TMEM132D: variants seen among roughly 807,000 people sequenced by gnomAD.
TMEM132D encodes the protein mature OL transmembrane protein.
In TMEM132D, 21 loss-of-function variants were observed where a neutral mutation model predicts 62.3. That is an observed-to-expected ratio of 0.34 (90% CI 0.24 to 0.49). The LOEUF is 0.49. Ranked by LOEUF, TMEM132D falls within the 20% of genes least tolerant of loss-of-function variation. The pLI, the probability that TMEM132D is intolerant of heterozygous loss-of-function variation, is 0.99. For synonymous variants in TMEM132D, 621 were observed against 575.6 expected, an observed-to-expected ratio of 1.08 and a Z score of -1.13; for missense variants, 1,346 against 1,402.8, an observed-to-expected ratio of 0.96 and a Z score of 0.65.
rs1745201555 is a variant in TMEM132D at position 129,471,457 on chromosome 12, T to A, written c.1115+59602A>T. Among the ~76,000 whole-genome samples, 3 of 152,280 alleles carry A rather than the reference T, an allele frequency of 2.0e-5. No homozygotes were observed. The South Asian group carries it at 6.2e-4, about 32-fold the overall frequency. On this transcript the variant is annotated intron_variant, in intron 3 of 8. Transcript: ENST00000422113. The stretch of plus-strand genomic sequence containing the variant: ...TGAAGAACTTAATCAATAAATGTCA[T>A]CTGTGTTCTGCCTGCTCCACCAACC...
intron 2 of TMEM132D, among the ~76,000 whole-genome samples, chr12:129,689,921 G>C (rs1486808109): frequency 6.6e-6 from 1 of 152,230 alleles, no homozygotes; most frequent in East Asian, 1.9e-4. Flanking sequence ...AACTGAGGTT[G>C]TAGGACAAAG....
Position 129,109,354 on chromosome 12 carries a change from A to C in TMEM132D, c.1444-24652T>G, listed in dbSNP as rs144218659. ...TCTGTGCCTTGGTTGTCTCCTCTGC[A>C]AAATGGGGATGGTGATCATGGTACC... On this transcript the variant is annotated intron_variant, in intron 5 of 8. Transcript: ENST00000422113. Among the ~76,000 whole-genome samples, 427 of 152,300 alleles carry C rather than the reference A, an allele frequency of 2.8e-3. 3 individuals are homozygous for C. Among genetic ancestry groups the C allele is most frequent in the African/African-American group, 9.8e-3 (409 of 41,564 alleles).
intron 1 of TMEM132D, among the ~76,000 whole-genome samples, chr12:129,737,065 C>G (rs180723243): frequency 6.6e-6 from 1 of 152,178 alleles, no homozygotes; most frequent in Admixed American, 6.5e-5. Flanking sequence ...ATCCGCCTGC[C>G]TCAGCATCCC....
chr12:129,613,212 G>C (rs1049849579), intron 2 of TMEM132D, among the ~76,000 whole-genome samples: 2 of 151,992 alleles, frequency 1.3e-5, no homozygotes, highest in African/African-American at 4.8e-5. Flanking sequence ...CACTGCCTTG[G>C]TTTAGGTTTT....
chr12:129,107,259 C>T (rs1208449678), intron 5 of TMEM132D, among the ~76,000 whole-genome samples: 1 of 152,144 alleles, frequency 6.6e-6, no homozygotes, highest in African/African-American at 2.4e-5. Context: ...ATCTCCAATG[C>T]TAAATGAATG....
At chr12:129,736,665 T>C (rs1869435528) in intron 1 of TMEM132D, among the ~76,000 whole-genome samples, 1 of 152,200 alleles carries the variant, frequency 6.6e-6, no homozygotes, top group Admixed American at 6.5e-5. Context: ...AGAAAAATGT[T>C]CTAGGAGAGA....
At chr12:129,900,484 C>T (rs1301151333) in intron 1 of TMEM132D, among the ~76,000 whole-genome samples, 1 of 152,200 alleles carries the variant, frequency 6.6e-6, no homozygotes, top group Non-Finnish European at 1.5e-5. Context: ...TGCCGCAGCC[C>T]CGCTCGCAAT....
At chr12:129,257,544 C>T (rs7132634) in intron 4 of TMEM132D, among the ~76,000 whole-genome samples, 10,739 of 152,176 alleles carry the variant, frequency 0.071, 562 homozygotes, top group Admixed American at 0.17. Flanking sequence ...GCCTTTCTTT[C>T]GCTCAGGGCA....
intron 1 of TMEM132D, among the ~76,000 whole-genome samples, chr12:129,861,040 A>G (rs1004122922): frequency 2.0e-5 from 3 of 152,214 alleles, no homozygotes; most frequent in Non-Finnish European, 4.4e-5. Context: ...AAATGAAGCA[A>G]TTATTGGAAT....
At chr12:129,246,744 C>T (rs192081822) in intron 4 of TMEM132D, among the ~76,000 whole-genome samples, 101 of 145,176 alleles carry the variant, frequency 7.0e-4, no homozygotes, top group African/African-American at 2.3e-3. Context: ...CCAGCCTGAG[C>T]GACAGAGCAA....
chr12:129,587,072 A>G (rs907553640), intron 2 of TMEM132D, among the ~76,000 whole-genome samples: 1 of 152,236 alleles, frequency 6.6e-6, no homozygotes, highest in Non-Finnish European at 1.5e-5. Context: ...TGTGCATAGC[A>G]ATTTCAGCTA....
chr12:129,297,533 G>A (rs548439644), intron 4 of TMEM132D, among the ~76,000 whole-genome samples: 11 of 152,316 alleles, frequency 7.2e-5, no homozygotes, highest in South Asian at 6.2e-4. Flanking sequence ...CGCCTCTGCC[G>A]TTAGTAAGAA....
At chr12:129,183,818 T>C (rs796562995) in intron 5 of TMEM132D, among the ~76,000 whole-genome samples, 3 of 144,246 alleles carry the variant, frequency 2.1e-5, no homozygotes, top group African/African-American at 8.5e-5. Context: ...GGGGCACGGA[T>C]GATTCTTTGG....
intron 1 of TMEM132D, among the ~76,000 whole-genome samples, chr12:129,767,363 T>A (rs946924588): frequency 2.6e-5 from 4 of 152,038 alleles, no homozygotes; most frequent in African/African-American, 9.7e-5. Context: ...AGTTAAGAAC[T>A]AAGATGGGTA....
rs933198907 is a variant in TMEM132D at position 129,827,922 on chromosome 12, T to C, written c.79+75339A>G. On this transcript the variant is annotated intron_variant, in intron 1 of 8. Transcript: ENST00000422113. This position sits in a 1 kb window ranked among gnomAD's most constrained non-coding sequence, Gnocchi z 9.7. ...CTTCCTAAAGAAATGGGCCACATGT[T>C]TGTTTATATTAATGTTAATAACTTG... Among the ~76,000 whole-genome samples the C allele has an allele frequency of 6.6e-6, 1 of 152,234 alleles. No homozygotes were observed. The highest frequency in any genetic ancestry group is 1.5e-5 in the Non-Finnish European group (1 of 68,048).
At chr12:129,399,478 A>G (rs1219200464) in intron 3 of TMEM132D, among the ~76,000 whole-genome samples, 1 of 37,032 alleles carries the variant, frequency 2.7e-5, no homozygotes, top group African/African-American at 1.5e-4. Flanking sequence ...AACTGCATTA[A>G]TCCACTTGTG....
intron 4 of TMEM132D, among the ~76,000 whole-genome samples, chr12:129,258,983 G>C (rs957340646): frequency 1.3e-5 from 2 of 152,184 alleles, no homozygotes; most frequent in African/African-American, 2.4e-5. Flanking sequence ...AAGGATGTGA[G>C]ATAATGAGGT....
At chr12:129,729,817 T>C (rs1230596960) in intron 1 of TMEM132D, among the ~76,000 whole-genome samples, 1 of 152,178 alleles carries the variant, frequency 6.6e-6, no homozygotes, top group Non-Finnish European at 1.5e-5. Context: ...CGCCAGAACC[T>C]GATGCTTTGG....
At chr12:129,624,966 C>G (rs138463612) in intron 2 of TMEM132D, among the ~76,000 whole-genome samples, 1 of 152,348 alleles carries the variant, frequency 6.6e-6, no homozygotes, top group South Asian at 2.1e-4. Flanking sequence ...CCTCTGGCGA[C>G]GTGTGAGCGT....
Sources: gnomAD v4.1 joint callset for allele counts (sites outside exome capture counted in the v4.1 genomes callset) on GRCh38, gnomAD v4.1.1 for gene constraint, Gnocchi (gnomAD v3.1) non-coding constraint, MANE v1.5 for transcripts, NCBI Gene and HGNC (gene_info 2026-07-23, HGNC 2026-07-21) for gene names.